The following SUPT5H variants were observed in gnomAD, a reference collection of about 807,000 sequenced individuals.
SUPT5H encodes the protein SPT5 homolog, DSIF elongation factor subunit, also known as transcription elongation factor SPT5.
Under a neutral mutation model 142.5 loss-of-function variants are expected in SUPT5H, and 24 were observed. The ratio of observed to expected loss-of-function variants is 0.17; its 90% CI spans 0.12 to 0.24. The LOEUF (loss-of-function observed/expected upper bound fraction) is 0.24, where lower values mean the gene tolerates loss of function less well. Among genes scored for constraint, SUPT5H ranks in the 10% least tolerant of loss-of-function variants. SUPT5H has a pLI of 1.00. For synonymous variants in SUPT5H, 546 were observed against 553.0 expected, an observed-to-expected ratio of 0.99 and a Z score of 0.18; for missense variants, 893 against 1,471.8, an observed-to-expected ratio of 0.61 and a Z score of 6.43.
rs2079317098 is a variant in SUPT5H at position 39,471,349 on chromosome 19, C to G, written c.1678-8C>G. 2.5e-6 allele frequency: 4 copies of G among 1,614,186 alleles called. No homozygotes were observed. Among genetic ancestry groups the G allele is most frequent in the Non-Finnish European group, 2.5e-6 (3 of 1,180,026 alleles). On this transcript the variant is annotated splice_polypyrimidine_tract_variant and splice_region_variant and intron_variant, in intron 18 of 29. Transcript: ENST00000432763. ...CACCCCCACAGCCTCCCTGCTCTCC[C>G]TCTGTAGGTGCTGAACATGTACGGG...
Position 39,465,061 on chromosome 19 carries a change from G to T in SUPT5H, c.876+12G>T. The T allele has an allele frequency of 6.2e-7, 1 of 1,605,990 alleles. No homozygotes were observed. Among genetic ancestry groups the T allele is most frequent in the East Asian group, 2.2e-5 (1 of 44,782 alleles). ...ATGACATTGCTCAGGTGCCCGGGGC[G>T]GGGTGGCATGGGGGTCAGGGTCCCT... On this transcript the variant is annotated intron_variant, in intron 11 of 29. Transcript: ENST00000432763.
Position 39,445,832 on chromosome 19 carries a change from G to T in SUPT5H, c.-59G>T. 1.8e-5 allele frequency: 28 copies of T among 1,588,412 alleles called. No homozygotes were observed. Among genetic ancestry groups the T allele is most frequent in the Non-Finnish European group, 2.4e-5 (28 of 1,164,972 alleles). On this transcript the variant is annotated 5_prime_UTR_variant, in exon 2 of 30. Coordinates refer to ENST00000432763, the MANE Select transcript of SUPT5H (RefSeq NM_001111020.3). ...ACCAGCGGGGAAACTGAGGCTCGGGGTGGAGCGCAGGATTGTGGGACGCGC... is the reference window on the plus strand; with the variant it reads ...ACCAGCGGGGAAACTGAGGCTCGGGTTGGAGCGCAGGATTGTGGGACGCGC...
chr19:39,469,599 C>T lies in SUPT5H; in HGVS notation c.1374+201C>T, dbSNP rs1035622199. The T allele has an allele frequency of 3.5e-5, 24 of 688,388 alleles. No individual in the cohort carries two copies. The African/African-American group carries it at 3.8e-4, about 11-fold the overall frequency. 42.6% of individuals were successfully genotyped at this position (688,388 alleles called of 1,614,324 possible). ...GGGCAGCAGGCCTGCCTGGTGGTGT[C>T]TGTCTCTGGAGAGTGACTTGGTCTA... On this transcript the variant is annotated intron_variant, in intron 16 of 29. Coordinates refer to ENST00000432763, the MANE Select transcript of SUPT5H (RefSeq NM_001111020.3). The surrounding 1 kb of genome is among the most constrained non-coding windows in gnomAD (Gnocchi z 5.1).
At chr19:39,455,624 C>T (rs935979811) in intron 3 of SUPT5H, among the ~76,000 whole-genome samples, 3 of 144,576 alleles carry the variant, frequency 2.1e-5, no homozygotes, top group Non-Finnish European at 3.0e-5. Context: ...CTTTTCTTTT[C>T]TTCTTTTTTT....
At chr19:39,452,248 G>A (rs1381472805) in intron 2 of SUPT5H, among the ~76,000 whole-genome samples, 1 of 152,096 alleles carries the variant, frequency 6.6e-6, no homozygotes, top group Non-Finnish European at 1.5e-5. Flanking sequence ...GGATGCTGCT[G>A]GTGCATGGAG....
Position 39,473,269 on chromosome 19 carries a change from G to A in SUPT5H, c.2325G>A (p.Thr775=), listed in dbSNP as rs929507444. 4 of 1,613,642 alleles carry A rather than the reference G, an allele frequency of 2.5e-6. No individual in the cohort carries two copies. The highest frequency in any genetic ancestry group is 1.7e-5 in the Admixed American group (1 of 59,996). ...GGACGCCCATGTATGGCTCCCAGAC[G>A]CCCATGTATGGCTCTGGCTCCCGAA... The part of the protein sequence containing the change: ...YGRTPMYGSQ[T]PMYGSGSRTP... Residue 775 remains threonine (T), a synonymous_variant, in exon 24 of 30, where the codon ACG becomes ACA. Transcript: ENST00000432763. This position sits in a 1 kb window ranked among gnomAD's most constrained non-coding sequence, Gnocchi z 5.8.
At chr19:39,459,627 G>T in intron 9 of SUPT5H, 38 bp downstream of exon 9, 1 of 1,612,930 alleles carries the variant, frequency 6.2e-7, no homozygotes, top group Non-Finnish European at 8.5e-7. Flanking sequence ...GGAGGTGGGA[G>T]AATGAGGGAG....
intron 28 of SUPT5H, chr19:39,475,763 T>G (rs1484742876): frequency 3.1e-5 from 10 of 326,466 alleles, no homozygotes; most frequent in Admixed American, 9.1e-5. Context: ...CATGGGGCGG[T>G]CCCTGAGACC....
At chr19:39,462,971 C>T (rs1914779978) in intron 10 of SUPT5H, among the ~76,000 whole-genome samples, 1 of 146,924 alleles carries the variant, frequency 6.8e-6, no homozygotes, top group Non-Finnish European at 1.5e-5. Context: ...TCCCAAGTAG[C>T]TGGGATTACA....
At chr19:39,462,686 A>C (rs1357367195) in intron 10 of SUPT5H, among the ~76,000 whole-genome samples, 2 of 151,616 alleles carry the variant, frequency 1.3e-5, no homozygotes, top group Non-Finnish European at 2.9e-5. Flanking sequence ...ACCCGACACC[A>C]CGCCTGGCTA....
chr19:39,450,338 C>G (rs1435176332), intron 2 of SUPT5H, among the ~76,000 whole-genome samples: 1 of 151,954 alleles, frequency 6.6e-6, no homozygotes, highest in Non-Finnish European at 1.5e-5. Flanking sequence ...TGTAGTGGCA[C>G]AATCGCGGCT....
chr19:39,466,621 T>C lies in SUPT5H; in HGVS notation c.966+52T>C. The stretch of plus-strand genomic sequence containing the variant: ...GGGGAGGGAGTGTGCTCGATCCCAC[T>C]GGTGGCCAAGCCCCCTCCCTCACCC... On this transcript the variant is annotated intron_variant, in intron 12 of 29. Transcript: ENST00000432763. This position sits in a 1 kb window ranked among gnomAD's most constrained non-coding sequence, Gnocchi z 4.3. The C allele has an allele frequency of 6.2e-7, 1 of 1,612,928 alleles. No individual in the cohort carries two copies.
intron 2 of SUPT5H, among the ~76,000 whole-genome samples, chr19:39,451,800 G>A (rs1459470100): frequency 6.6e-6 from 1 of 152,126 alleles, no homozygotes; most frequent in Admixed American, 6.5e-5. Flanking sequence ...CTAAAGTGTT[G>A]GGATTACAGG....
chr19:39,459,100 G>A (rs1416110698), intron 7 of SUPT5H, 27 bp downstream of exon 7: 1 of 1,613,898 alleles, frequency 6.2e-7, no homozygotes, highest in Admixed American at 1.7e-5. Flanking sequence ...GGCAGGTGGG[G>A]GCAGGGAGCA....
Position 39,472,595 on chromosome 19 carries a change from C to A in SUPT5H, c.2035+102C>A. ...CTGAGTGCCTGTGCTGGGCTGGGCA[C>A]TGCTATTAGGGGTTCACCACCCACA... On this transcript the variant is annotated intron_variant, in intron 21 of 29. Transcript: ENST00000432763. The surrounding 1 kb of genome is among the most constrained non-coding windows in gnomAD (Gnocchi z 4.2). 6.9e-7 allele frequency: 1 copy of A among 1,443,778 alleles called. No individual in the cohort carries two copies. The highest frequency in any genetic ancestry group is 9.5e-7 in the Non-Finnish European group (1 of 1,049,208). 89.4% of individuals were successfully genotyped at this position (1,443,778 alleles called of 1,614,324 possible). A position where few individuals can be genotyped will look rare whatever the true frequency, so the allele number is the denominator to read the frequency against.
At position 39,470,002 on chromosome 19, in the gene SUPT5H, G is replaced by A; in HGVS notation, c.1375-117G>A. ...TGGACTAAGGTAGTCTGGGGTGGGTGGTAAGAGCCTGAAGTGGGGTTTTTG... is the reference window on the plus strand; with the variant it reads ...TGGACTAAGGTAGTCTGGGGTGGGTAGTAAGAGCCTGAAGTGGGGTTTTTG... On this transcript the variant is annotated intron_variant, in intron 16 of 29. Coordinates refer to ENST00000432763, the MANE Select transcript of SUPT5H (RefSeq NM_001111020.3). The surrounding 1 kb of genome is among the most constrained non-coding windows in gnomAD (Gnocchi z 5.8). The A allele has an allele frequency of 7.3e-7, 1 of 1,361,876 alleles. No homozygotes were observed. Among genetic ancestry groups the A allele is most frequent in the Non-Finnish European group, 1.0e-6 (1 of 989,118 alleles). 84.4% of individuals were successfully genotyped at this position (1,361,876 alleles called of 1,614,324 possible).
chr19:39,454,491 C>T (rs563724011), intron 3 of SUPT5H, among the ~76,000 whole-genome samples: 6 of 151,868 alleles, frequency 4.0e-5, no homozygotes, highest in African/African-American at 7.2e-5. Flanking sequence ...ACTACGGGCA[C>T]GTGCCACCAT....
In SUPT5H at chr19:39,473,031, A is replaced by G. The variant is rs868303066; in HGVS notation, c.2175A>G (p.Lys725=). ...CTGCAGGCTACATCGGTGTGGTGAA[A>G]GATGCCACAGAGTCCACGGCCCGTG... The part of the protein sequence containing the change: ...GPYKGYIGVV[K]DATESTARVE... Residue 725 remains lysine (K), a synonymous_variant, in exon 23 of 30, where the codon AAA becomes AAG. Coordinates refer to ENST00000432763, the MANE Select transcript of SUPT5H (RefSeq NM_001111020.3). This position sits in a 1 kb window ranked among gnomAD's most constrained non-coding sequence, Gnocchi z 5.8. The G allele has an allele frequency of 1.7e-5, 27 of 1,613,782 alleles. No homozygotes were observed. The Middle Eastern group carries it at 2.8e-3, about 168-fold the overall frequency.
At chr19:39,463,400 T>C (rs1375544631) in intron 10 of SUPT5H, among the ~76,000 whole-genome samples, 2 of 152,230 alleles carry the variant, frequency 1.3e-5, no homozygotes, top group Non-Finnish European at 2.9e-5. Flanking sequence ...TGTGTTGCCA[T>C]GTATTTGTGA....
Sources: gnomAD v4.1 joint callset for allele counts (sites outside exome capture counted in the v4.1 genomes callset) on GRCh38, gnomAD v4.1.1 for gene constraint, Gnocchi (gnomAD v3.1) non-coding constraint, MANE v1.5 for transcripts, NCBI Gene and HGNC (gene_info 2026-07-23, HGNC 2026-07-21) for gene names.